The following GTF2I variants were observed in gnomAD, a reference collection of about 807,000 sequenced individuals.
GTF2I encodes the protein general transcription factor IIi.
In GTF2I, 12 loss-of-function variants were observed where a neutral mutation model predicts 67.6. The ratio of observed to expected loss-of-function variants is 0.18; its 90% CI spans 0.11 to 0.29. The LOEUF is 0.29. Ranked by LOEUF, GTF2I falls within the 10% of genes least tolerant of loss-of-function variation. The pLI, the probability that GTF2I is intolerant of heterozygous loss-of-function variation, is 1.00. For synonymous variants in GTF2I, 149 were observed against 197.0 expected (o/e 0.76, Z 2.04); for missense variants, 271 against 580.1 (o/e 0.47, Z 5.47).
Position 74,690,108 on chromosome 7 carries a change from G to A in GTF2I, c.100-865G>A, listed in dbSNP as rs1043948001. Among the ~76,000 whole-genome samples, 5 of 152,028 alleles carry A rather than the reference G, an allele frequency of 3.3e-5. No individual in the cohort carries two copies. In the South Asian group the frequency reaches 6.2e-4, roughly 19 times the overall value. ...CGTGTGCCTGTAGTCCCAGTAACCC[G>A]GGAGGCTGAGACAGGAGAATTGCTT... On this transcript the variant is annotated intron_variant, in intron 2 of 34. Transcript: ENST00000573035.
At chr7:74,720,525 C>T (rs1792818047) in intron 12 of GTF2I, among the ~76,000 whole-genome samples, 1 of 152,004 alleles carries the variant, frequency 6.6e-6, no homozygotes, top group East Asian at 1.9e-4. Flanking sequence ...GCATTGTTTA[C>T]AGTCCAGCAT....
At chr7:74,671,927 TG>T (rs1805492197) in intron 1 of GTF2I, among the ~76,000 whole-genome samples, 1 of 151,858 alleles carries the variant, frequency 6.6e-6, no homozygotes, top group Admixed American at 6.6e-5. Flanking sequence ...GAGGCTACAA[TG>T]AGCCATGTCC....
intron 26 of GTF2I, among the ~76,000 whole-genome samples, chr7:74,750,640 C>T (rs1306426594): frequency 1.2e-5 from 1 of 80,138 alleles, no homozygotes; most frequent in Non-Finnish European, 2.1e-5. Context: ...GAATCTCGCT[C>T]TGTACCCAAG....
At chr7:74,690,951 A>G (rs1788240037) in intron 2 of GTF2I, 22 bp from the exon 3 acceptor site, 1 of 1,600,120 alleles carries the variant, frequency 6.2e-7, no homozygotes, top group African/African-American at 1.3e-5. Context: ...CTGTAACATG[A>G]TGTTTGCTGT....
intron 8 of GTF2I, 30 bp downstream of exon 8, chr7:74,706,463 T>G (rs1554401444): frequency 6.6e-7 from 1 of 1,525,668 alleles, no homozygotes; most frequent in South Asian, 1.1e-5. Flanking sequence ...GAATCAATGG[T>G]GAAATTAAGG....
At chr7:74,726,179 T>C (rs1479396103) in intron 12 of GTF2I, among the ~76,000 whole-genome samples, 3 of 152,190 alleles carry the variant, frequency 2.0e-5, no homozygotes, top group Admixed American at 2.0e-4. Context: ...CCTTAACCTA[T>C]AGGGGAAATA....
intron 1 of GTF2I, among the ~76,000 whole-genome samples, chr7:74,671,470 GTCT>G (rs1343006731): frequency 6.7e-6 from 1 of 149,110 alleles, no homozygotes; most frequent in Non-Finnish European, 1.5e-5. Context: ...TGTCTGAAGT[GTCT>G]TGTTTTTTTT....
At chr7:74,712,528 GTGTGTGTGTC>G (rs1417387131) in intron 9 of GTF2I, among the ~76,000 whole-genome samples, 5 of 131,102 alleles carry the variant, frequency 3.8e-5, no homozygotes, top group South Asian at 4.5e-4. Context: ...GTGTGTGTGT[GTGTGTGTGTC>G]ATGTCATATT....
chr7:74,700,152 C>T, intron 4 of GTF2I, 95 bp from the exon 5 acceptor site: 1 of 1,233,340 alleles, frequency 8.1e-7, no homozygotes, highest in Admixed American at 2.3e-5. Flanking sequence ...TATAAAAAAT[C>T]ATGGATGCCC....
At chr7:74,733,013 C>G (rs1338909014) in intron 15 of GTF2I, among the ~76,000 whole-genome samples, 1 of 149,934 alleles carries the variant, frequency 6.7e-6, no homozygotes, top group African/African-American at 2.5e-5. Flanking sequence ...GGAACCCAGG[C>G]TTGAGTGCAG....
At chr7:74,691,182 A>T in intron 3 of GTF2I, 71 bp downstream of exon 3, 22 of 1,011,856 alleles carry the variant, frequency 2.2e-5, no homozygotes, top group Middle Eastern at 2.9e-4. Context: ...AAGACAAGTT[A>T]TATTATTTTC....
chr7:74,723,084 C>T (rs1793235980), intron 12 of GTF2I, among the ~76,000 whole-genome samples: 1 of 151,316 alleles, frequency 6.6e-6, no homozygotes, highest in South Asian at 2.1e-4. Flanking sequence ...TTAATCCCTC[C>T]ACAAATACTG....
chr7:74,704,855 TAAAAAAAAAA>T (rs35715710), intron 6 of GTF2I, among the ~76,000 whole-genome samples: 3 of 76,978 alleles, frequency 3.9e-5, no homozygotes, highest in South Asian at 5.9e-4. Flanking sequence ...ACCCTGTTTC[TAAAAAAAAAA>T]AAAAAAAAAA....
rs1412526422 is a variant in GTF2I at position 74,705,174 on chromosome 7, G to C, written c.597G>C (p.Val199=). The change falls in exon 7 of 35, where the codon GTG becomes GTC. Residue 199 remains valine (V), a synonymous_variant. Coordinates refer to ENST00000573035, the MANE Select transcript of GTF2I (RefSeq NM_032999.4). ...LEPKKHVGGR[V]MVTDADRSIL... Reference sequence around the variant, plus strand: ...TTTTTTTGTATGTAGGTGGTCGTGTGATGGTAACAGATGCTGACAGGTCAA... The same window carrying C: ...TTTTTTTGTATGTAGGTGGTCGTGTCATGGTAACAGATGCTGACAGGTCAA... The C allele has an allele frequency of 1.2e-6, 2 of 1,600,970 alleles. No homozygotes were observed. The highest frequency in any genetic ancestry group is 1.7e-5 in the Admixed American group (1 of 59,924).
intron 14 of GTF2I, among the ~76,000 whole-genome samples, chr7:74,731,458 T>C (rs1246071184): frequency 6.7e-6 from 1 of 148,670 alleles, no homozygotes; most frequent in Non-Finnish European, 1.5e-5. Flanking sequence ...TCCATATTTT[T>C]AGTGGTTTAC....
chr7:74,664,117 G>A (rs1804761980), intron 1 of GTF2I, among the ~76,000 whole-genome samples: 1 of 152,124 alleles, frequency 6.6e-6, no homozygotes, highest in African/African-American at 2.4e-5. Context: ...ACCCAGCCAA[G>A]GATGTGTGTA....
intron 1 of GTF2I, among the ~76,000 whole-genome samples, chr7:74,686,192 AGAAAAAGTG>A (rs1460822506): frequency 6.6e-6 from 1 of 152,182 alleles, no homozygotes; most frequent in African/African-American, 2.4e-5. Flanking sequence ...TCTGGGACAC[AGAAAAAGTG>A]GGGGTGGTGG....
At chr7:74,674,841 C>G (rs1805757019) in intron 1 of GTF2I, among the ~76,000 whole-genome samples, 1 of 150,814 alleles carries the variant, frequency 6.6e-6, no homozygotes, top group Admixed American at 6.7e-5. Flanking sequence ...GCCACTATGC[C>G]CAGCCCTCTA....
chr7:74,724,473 T>A (rs1554405258), intron 12 of GTF2I, among the ~76,000 whole-genome samples: 1 of 152,210 alleles, frequency 6.6e-6, no homozygotes, highest in Admixed American at 6.5e-5. Flanking sequence ...TATCTTTAGG[T>A]GTATTCGTTA....
Sources: gnomAD v4.1 joint callset for allele counts (sites outside exome capture counted in the v4.1 genomes callset) on GRCh38, gnomAD v4.1.1 for gene constraint, MANE v1.5 for transcripts, NCBI Gene and HGNC (gene_info 2026-07-23, HGNC 2026-07-21) for gene names.